Variants in CAPN8 observed in about 807,000 individuals in gnomAD.
CAPN8 encodes calpain-8.
Under a neutral mutation model 80.9 loss-of-function variants are expected in CAPN8, and 87 were observed. The observed-to-expected ratio is 1.07, with a 90% CI of 0.90 to 1.28. The LOEUF (loss-of-function observed/expected upper bound fraction) is 1.28. Ranked by LOEUF, CAPN8 falls within the 50% of genes most tolerant of loss-of-function variation. CAPN8 has a pLI of 0.00. For synonymous variants in CAPN8, 299 were observed against 273.8 expected, an observed-to-expected ratio of 1.09 and a Z score of -0.91; for missense variants, 757 against 702.0, an observed-to-expected ratio of 1.08 and a Z score of -0.89.
chr1:223,550,829 G>C, intron 15 of CAPN8, 131 bp downstream of exon 15: 1 of 586,054 alleles, frequency 1.7e-6, no homozygotes, highest in South Asian at 2.0e-5. Flanking sequence ...CTGAATCAGG[G>C]CTCCTGGGGT....
At chr1:223,553,080 G>A (rs1300478962) in intron 14 of CAPN8, among the ~76,000 whole-genome samples, 1 of 141,138 alleles carries the variant, frequency 7.1e-6, no homozygotes, top group Admixed American at 7.0e-5. Flanking sequence ...TGAGTTTCCC[G>A]GGGTGGTGGG....
chr1:223,638,764 G>A (rs1464894823), intron 2 of CAPN8, among the ~76,000 whole-genome samples: 1 of 152,180 alleles, frequency 6.6e-6, no homozygotes, highest in African/African-American at 2.4e-5. Flanking sequence ...TAGAACATGA[G>A]TCCCTATGCT....
chr1:223,617,349 T>TG (rs1657226710), intron 9 of CAPN8: 1 of 151,642 alleles, frequency 6.6e-6, no homozygotes, highest in African/African-American at 2.4e-5. Context: ...TTTGTTTGTT[T>TG]TAGGGCTCAA....
chr1:223,543,049 T>A (rs1656511077), intron 20 of CAPN8, 59 bp downstream of exon 20: 10 of 1,542,454 alleles, frequency 6.5e-6, no homozygotes, highest in Non-Finnish European at 8.8e-6. Flanking sequence ...GGCAGCTACA[T>A]GGTCCAAGAA....
At chr1:223,615,574 T>A (rs1657145302) in intron 10 of CAPN8, among the ~76,000 whole-genome samples, 2 of 152,236 alleles carry the variant, frequency 1.3e-5, no homozygotes, top group Admixed American at 1.3e-4. Context: ...TTGGCTCCCA[T>A]ATCCAGCCTC....
At chr1:223,645,602 A>G (rs1658170152) in intron 2 of CAPN8, among the ~76,000 whole-genome samples, 1 of 151,864 alleles carries the variant, frequency 6.6e-6, no homozygotes, top group Non-Finnish European at 1.5e-5. Context: ...TGATGGAGAA[A>G]CAGTTTTTGA....
chr1:223,650,070 TTAGGCACTGCTAGTGG>T (rs1658305260), intron 2 of CAPN8, among the ~76,000 whole-genome samples: 1 of 152,082 alleles, frequency 6.6e-6, no homozygotes, highest in African/African-American at 2.4e-5. Flanking sequence ...GCATGCTGAA[TTAGGCACTGCTAGTGG>T]TAGATCAAGA....
chr1:223,643,618 T>G (rs1055926460), intron 2 of CAPN8, among the ~76,000 whole-genome samples: 4 of 152,210 alleles, frequency 2.6e-5, no homozygotes, highest in African/African-American at 9.6e-5. Context: ...GCCAGGCTGG[T>G]GGGCAGGGCA....
At chr1:223,613,586 A>G (rs1271622345) in intron 10 of CAPN8, among the ~76,000 whole-genome samples, 2 of 152,364 alleles carry the variant, frequency 1.3e-5, no homozygotes, top group South Asian at 2.1e-4. Context: ...GCCACTGCCC[A>G]TGGGTGGATG....
intron 16 of CAPN8, among the ~76,000 whole-genome samples, chr1:223,546,530 C>T (rs1257729891): frequency 6.6e-6 from 1 of 152,172 alleles, no homozygotes; most frequent in Non-Finnish European, 1.5e-5. Flanking sequence ...GCATCATAGC[C>T]TTCAAATCCT....
chr1:223,544,013 C>T, intron 19 of CAPN8, 54 bp downstream of exon 19: 1 of 712,046 alleles, frequency 1.4e-6, no homozygotes. Flanking sequence ...CTGCCCCTGC[C>T]CCACCTTGCA....
At chr1:223,657,433 T>C (rs752689136) in intron 1 of CAPN8, among the ~76,000 whole-genome samples, 10 of 152,144 alleles carry the variant, frequency 6.6e-5, no homozygotes, top group Admixed American at 4.6e-4. Context: ...GCACACTCAA[T>C]AGGGGTTTGG....
chr1:223,640,885 G>T (rs984271718), intron 2 of CAPN8, among the ~76,000 whole-genome samples: 13 of 152,202 alleles, frequency 8.5e-5, no homozygotes, highest in Non-Finnish European at 1.8e-4. Flanking sequence ...AATGCAAGGT[G>T]GTTGCAAAGT....
chr1:223,648,052 C>G (rs564040183), intron 2 of CAPN8, among the ~76,000 whole-genome samples: 6 of 152,296 alleles, frequency 3.9e-5, no homozygotes, highest in African/African-American at 1.4e-4. Context: ...TGAAATAATG[C>G]GCAATATGCA....
chr1:223,557,740 A>G (rs1656937999), intron 13 of CAPN8, among the ~76,000 whole-genome samples: 3 of 152,146 alleles, frequency 2.0e-5, no homozygotes, highest in African/African-American at 7.2e-5. Context: ...TCTTCTCTTC[A>G]TCTTTCACAT....
chr1:223,622,468 T>G (rs1448412347), intron 7 of CAPN8, among the ~76,000 whole-genome samples: 1 of 152,196 alleles, frequency 6.6e-6, no homozygotes, highest in East Asian at 1.9e-4. Context: ...CCAGTGTTTG[T>G]GGAGTGGAAA....
At chr1:223,616,916 A>T (rs944372675) in intron 9 of CAPN8, 4 of 152,254 alleles carry the variant, frequency 2.6e-5, no homozygotes, top group Non-Finnish European at 2.9e-5. Context: ...CATTTCAAAG[A>T]TGGCTTTTTT....
chr1:223,665,433 C>A lies in CAPN8; in HGVS notation c.214G>T (p.Gly72Cys). The change falls in exon 1 of 21, where the codon GGC (glycine) becomes TGC (cysteine). Residue 72 changes from glycine (G) to cysteine (C), a missense_variant. Gly to Cys is a radical substitution (Grantham distance 159, BLOSUM62 -3). Coordinates refer to ENST00000366872, the MANE Select transcript of CAPN8 (RefSeq NM_001143962.2). ...DLGPGSPQTQ[G>C]IIWKRPTELC... ...ACCGTGGGCCGCTTCCAGATGATGCCTTGAGTTTGCGGAGAGCCTGGTCCA... is the reference window on the plus strand; with the variant it reads ...ACCGTGGGCCGCTTCCAGATGATGCATTGAGTTTGCGGAGAGCCTGGTCCA... The A allele has an allele frequency of 2.6e-6, 4 of 1,551,946 alleles. No homozygotes were observed. The highest frequency in any genetic ancestry group is 3.5e-6 in the Non-Finnish European group (4 of 1,146,910).
intron 2 of CAPN8, among the ~76,000 whole-genome samples, chr1:223,630,353 A>G (rs781018262): frequency 6.6e-5 from 10 of 151,760 alleles, no homozygotes; most frequent in Non-Finnish European, 1.3e-4. Flanking sequence ...TTTTTCTTTT[A>G]AGAGACAGGG....
Sources: gnomAD v4.1 joint callset for allele counts (sites outside exome capture counted in the v4.1 genomes callset) on GRCh38, gnomAD v4.1.1 for gene constraint, MANE v1.5 for transcripts, NCBI Gene and HGNC (gene_info 2026-07-23, HGNC 2026-07-21) for gene names.